Variants in RPGRIP1 observed in about 807,000 individuals in gnomAD.
RPGRIP1 encodes the protein RPGR interacting protein 1, also known as X-linked retinitis pigmentosa GTPase regulator-interacting protein 1.
Under a neutral mutation model 157.9 loss-of-function variants are expected in RPGRIP1, and 128 were observed. The observed-to-expected ratio is 0.81, with a 90% CI of 0.70 to 0.94. RPGRIP1 has a LOEUF of 0.94. RPGRIP1 is among the 40% of genes least tolerant of loss of function. RPGRIP1 has a pLI of 0.00. For synonymous variants in RPGRIP1, 554 were observed against 571.6 expected (o/e 0.97, Z 0.44); for missense variants, 1,486 against 1,545.8 (o/e 0.96, Z 0.65).
intron 12 of RPGRIP1, 65 bp downstream of exon 12, chr14:21,320,242 A>G: frequency 7.2e-7 from 1 of 1,395,646 alleles, no homozygotes; most frequent in South Asian, 1.3e-5. Context: ...ATCTCTAGGG[A>G]AGATGATGAG....
In RPGRIP1 at chr14:21,326,117, A is replaced by G. The variant is rs757511584; in HGVS notation, c.2654A>G (p.Tyr885Cys). 1.2e-6 allele frequency: 2 copies of G among 1,605,370 alleles called. No individual in the cohort carries two copies. The change falls in exon 17 of 25, where the codon TAT (tyrosine) becomes TGT (cysteine). Residue 885 changes from tyrosine (Y) to cysteine (C), a missense_variant. Physicochemically the swap from Tyr to Cys is radical, Grantham distance 194. Coordinates refer to ENST00000400017, the MANE Select transcript of RPGRIP1 (RefSeq NM_020366.4). ...FDDEDLEPGSYLGRARVPLLP... is the reference protein window; with the variant it reads ...FDDEDLEPGSCLGRARVPLLP... ...GATGAAGACTTAGAGCCTGGCTCGT[A>G]TCTTGGCCGAGCCCGAGTGCCTTTA...
rs141154900 is a variant in RPGRIP1 at position 21,282,403 on chromosome 14, A to C, written c.-39+2244A>C. On this transcript the variant is annotated intron_variant, in intron 1 of 24. Transcript: ENST00000400017. ...AGGCACGCACCACCATGCCTGGCTAATTTTTTTGTATTTTAGTAGAGACGG... is the reference window on the plus strand; with the variant it reads ...AGGCACGCACCACCATGCCTGGCTACTTTTTTTGTATTTTAGTAGAGACGG... 5.7e-3 allele frequency among the ~76,000 whole-genome samples: 863 copies of C among 151,026 alleles called. 8 individuals carry two copies. Among genetic ancestry groups the C allele is most frequent in the African/African-American group, 0.02 (825 of 41,120 alleles).
At chr14:21,326,725 C>T (rs1883154992) in intron 17 of RPGRIP1, among the ~76,000 whole-genome samples, 1 of 152,024 alleles carries the variant, frequency 6.6e-6, no homozygotes, top group African/African-American at 2.4e-5. Context: ...TACTAAAGGC[C>T]TGTTGTTTCT....
intron 1 of RPGRIP1, among the ~76,000 whole-genome samples, chr14:21,282,776 A>AT (rs1411443624): frequency 3.3e-5 from 5 of 151,562 alleles, no homozygotes; most frequent in South Asian, 2.1e-4. Context: ...CACCCGGCTA[A>AT]TTTTTTGTAT....
At position 21,298,382 on chromosome 14, in the gene RPGRIP1, C is replaced by A. The variant is rs539624035; in HGVS notation, c.219-2584C>A. ...GGGCGTGGTGGCAGGCGCCTATAAT[C>A]CCAGCTACTCAGGAGGCTGAGGCAA... is the stretch of plus-strand genomic sequence containing the variant. On this transcript the variant is annotated intron_variant, in intron 3 of 24. Transcript: ENST00000400017. Among the ~76,000 whole-genome samples the A allele has an allele frequency of 2.3e-3, 343 of 150,320 alleles. 1 individual carries two copies. Among genetic ancestry groups the A allele is most frequent in the African/African-American group, 6.2e-3 (253 of 40,858 alleles).
At chr14:21,301,736 A>C (rs990338059) in intron 4 of RPGRIP1, among the ~76,000 whole-genome samples, 2 of 148,576 alleles carry the variant, frequency 1.3e-5, no homozygotes, top group South Asian at 4.2e-4. Context: ...AAATTAGCCA[A>C]GCCTGGTGGC....
At chr14:21,284,028 A>G (rs1294516920) in intron 1 of RPGRIP1, among the ~76,000 whole-genome samples, 1 of 152,204 alleles carries the variant, frequency 6.6e-6, no homozygotes, top group African/African-American at 2.4e-5. Context: ...TGAAATCTGT[A>G]TAGATCTATT....
intron 15 of RPGRIP1, 54 bp from the exon 16 acceptor site, chr14:21,325,178 G>A: frequency 6.4e-7 from 1 of 1,552,632 alleles, no homozygotes; most frequent in Non-Finnish European, 8.7e-7. Context: ...TCTTGTTCTT[G>A]ATCCTTGCCA....
At position 21,317,600 on chromosome 14, in the gene RPGRIP1, G is replaced by A. The variant is rs537981501; in HGVS notation, c.1152-96G>A. On this transcript the variant is annotated intron_variant, in intron 10 of 24. Transcript: ENST00000400017. ...GAAAAAAACATGTAGGGGAGAGAAT[G>A]AGGAACTAGGTCCAGGAGATGCTGA... 7.4e-4 allele frequency: 1,140 copies of A among 1,541,464 alleles called. 1 individual carries two copies. Among genetic ancestry groups the A allele is most frequent in the Non-Finnish European group, 9.3e-4 (1,065 of 1,141,174 alleles).
intron 22 of RPGRIP1, among the ~76,000 whole-genome samples, chr14:21,343,533 C>CA (rs1885235291): frequency 6.6e-6 from 1 of 152,094 alleles, no homozygotes; most frequent in African/African-American, 2.4e-5. Flanking sequence ...CTCTGTTGCC[C>CA]AGGCTAGAAT....
rs759678050 is a variant in RPGRIP1 at position 21,328,497 on chromosome 14, G to A, written c.2969G>A (p.Gly990Glu). The A allele has an allele frequency of 1.9e-6, 3 of 1,613,698 alleles. No individual in the cohort carries two copies. Among genetic ancestry groups the A allele is most frequent in the African/African-American group, 2.7e-5 (2 of 74,902 alleles). The stretch of plus-strand genomic sequence containing the variant: ...TCTAAGAGAAAACCTCCTCATGGGG[G>A]AGAAAGAAAGGAGAAGGAGCACCAG... ...YRSKRKPPHG[G>E]ERKEKEHQVV... Residue 990 changes from glycine (G) to glutamate (E), a missense_variant, in exon 19 of 25, where the codon GGA (glycine) becomes GAA (glutamate). Coordinates refer to ENST00000400017, the MANE Select transcript of RPGRIP1 (RefSeq NM_020366.4).
rs757145904 is a variant in RPGRIP1, at chr14:21,328,610, A to G, written c.3082A>G (p.Asn1028Asp). ...RMEYLSLNILNGNTPEQVNYT... is the reference protein window; with the variant it reads ...RMEYLSLNILDGNTPEQVNYT... ...GGAGTATCTTAGCCTTAACATCTTA[A>G]ATGGAAATACACCAGAGGTAAGACC... The change falls in exon 19 of 25, where the codon AAT (asparagine) becomes GAT (aspartate). Residue 1028 changes from asparagine to aspartate, a missense_variant. By Grantham distance (23) the Asn-to-Asp change is conservative. Transcript: ENST00000400017. 1 of 1,612,666 alleles carries G rather than the reference A, an allele frequency of 6.2e-7. No homozygotes were observed. The highest frequency in any genetic ancestry group is 8.5e-7 in the Non-Finnish European group (1 of 1,178,730).
At chr14:21,329,464 T>TA (rs934424415) in intron 19 of RPGRIP1, among the ~76,000 whole-genome samples, 4 of 152,058 alleles carry the variant, frequency 2.6e-5, no homozygotes, top group African/African-American at 7.2e-5. Context: ...AGTTTATGCT[T>TA]AAAGTTTTAA....
chr14:21,336,890 A>C (rs28647230), intron 21 of RPGRIP1, among the ~76,000 whole-genome samples: 27,715 of 152,202 alleles, frequency 0.18, 3,203 homozygotes, highest in African/African-American at 0.32. Flanking sequence ...CCTAAGTAAG[A>C]TATCCTTTTA....
At chr14:21,337,978 G>A (rs1296126223) in intron 21 of RPGRIP1, among the ~76,000 whole-genome samples, 101 of 151,710 alleles carry the variant, frequency 6.7e-4, no homozygotes, top group Non-Finnish European at 1.1e-3. Context: ...GTGCAGTGGT[G>A]CGATATCGGC....
intron 21 of RPGRIP1, among the ~76,000 whole-genome samples, chr14:21,342,560 G>A (rs914681793): frequency 2.7e-5 from 4 of 148,018 alleles, no homozygotes; most frequent in South Asian, 2.1e-4. Context: ...AAAAAAAAAA[G>A]TTGAGAAATA....
intron 21 of RPGRIP1, among the ~76,000 whole-genome samples, chr14:21,335,873 C>T (rs1884309903): frequency 1.3e-5 from 2 of 152,154 alleles, no homozygotes; most frequent in Admixed American, 1.3e-4. Context: ...TGTGTTCTAA[C>T]CTTGTGGGTT....
chr14:21,338,572 T>C (rs1884648542), intron 21 of RPGRIP1, among the ~76,000 whole-genome samples: 1 of 152,188 alleles, frequency 6.6e-6, no homozygotes, highest in Admixed American at 6.6e-5. Flanking sequence ...CCAATAAAAT[T>C]ACATAATGGA....
chr14:21,342,230 T>C (rs1566364897), intron 21 of RPGRIP1, among the ~76,000 whole-genome samples: 1 of 151,802 alleles, frequency 6.6e-6, no homozygotes, highest in Non-Finnish European at 1.5e-5. Flanking sequence ...CTCAGGAAAA[T>C]ACTAGCTTGG....
Sources: gnomAD v4.1 joint callset for allele counts (sites outside exome capture counted in the v4.1 genomes callset) on GRCh38, gnomAD v4.1.1 for gene constraint, MANE v1.5 for transcripts, NCBI Gene and HGNC (gene_info 2026-07-23, HGNC 2026-07-21) for gene names.